The following MAP7 variants were observed in gnomAD, a reference collection of about 807,000 sequenced individuals.
The protein encoded by MAP7 is ensconsin.
A neutral mutation model predicts 94.8 loss-of-function variants in MAP7; 52 were observed. That is an observed-to-expected ratio of 0.55 (90% confidence interval 0.44 to 0.69). The LOEUF is 0.69. Ranked by LOEUF, MAP7 falls within the 30% of genes least tolerant of loss-of-function variation. MAP7 has a pLI of 0.00. For synonymous variants in MAP7, 350 were observed against 357.0 expected (o/e 0.98, Z 0.22); for missense variants, 940 against 964.6 (o/e 0.97, Z 0.34).
At chr6:136,380,236 C>T (rs1427008869) in intron 6 of MAP7, among the ~76,000 whole-genome samples, 2 of 152,158 alleles carry the variant, frequency 1.3e-5, no homozygotes, top group African/African-American at 4.8e-5. Flanking sequence ...ATGATCGGGG[C>T]TAAACAAACT....
chr6:136,504,575 C>A (rs545949894), intron 1 of MAP7, among the ~76,000 whole-genome samples: 4 of 152,270 alleles, frequency 2.6e-5, no homozygotes, highest in South Asian at 4.1e-4. Flanking sequence ...GAACTCCTGG[C>A]CCAAGCTATC....
rs1371996538 is a variant in MAP7, at chr6:136,419,872, G to A, written c.166+1829C>T. 11 of 466,284 alleles carry A rather than the reference G, an allele frequency of 2.4e-5. No individual in the cohort carries two copies. In the East Asian group the frequency reaches 4.7e-4, roughly 20 times the overall value. The allele number at this position is 466,284 out of a possible 1,614,324, so 28.9% of individuals were successfully genotyped here. On this transcript the variant is annotated intron_variant, in intron 2 of 17. Transcript: ENST00000354570. ...TCAGTTTTTGTCACATATTAAAGCT[G>A]TGTGTCAAGACTGAGGATTATCCAC...
At chr6:136,345,000 G>A (rs1290442774) in intron 17 of MAP7, among the ~76,000 whole-genome samples, 2 of 152,190 alleles carry the variant, frequency 1.3e-5, no homozygotes, top group East Asian at 3.8e-4. Context: ...AATATAAAGA[G>A]ATGCTGGTCA....
In MAP7 at chr6:136,455,119, A is replaced by ATC. The variant is rs112395909; in HGVS notation, c.68-33322_68-33321dup. On this transcript the variant is annotated intron_variant, in intron 1 of 17. Coordinates refer to ENST00000354570, the MANE Select transcript of MAP7 (RefSeq NM_003980.6). ...TTGGTCAGACAGTCCCTCATCTTTCATCTAGTGTGTACTCTGAAAAGGAAT... is the reference window on the plus strand; with the variant it reads ...TTGGTCAGACAGTCCCTCATCTTTCATCTCTAGTGTGTACTCTGAAAAGGAAT... 3.1e-4 allele frequency among the ~76,000 whole-genome samples: 47 copies of ATC among 151,778 alleles called. 1 individual carries two copies. The highest frequency in any genetic ancestry group is 1.1e-3 in the African/African-American group (45 of 41,350).
At chr6:136,479,145 T>C (rs2128959659) in intron 1 of MAP7, among the ~76,000 whole-genome samples, 1 of 152,130 alleles carries the variant, frequency 6.6e-6, no homozygotes, top group Middle Eastern at 3.4e-3. Flanking sequence ...CCAAATTCAA[T>C]AACACATTAA....
intron 1 of MAP7, among the ~76,000 whole-genome samples, chr6:136,534,419 T>A (rs1293692728): frequency 2.0e-5 from 3 of 152,238 alleles, no homozygotes; most frequent in African/African-American, 7.2e-5. Context: ...TGATTGTAAA[T>A]GTTAATCATA....
intron 6 of MAP7, among the ~76,000 whole-genome samples, chr6:136,379,709 A>G (rs1288707961): frequency 6.6e-6 from 1 of 152,254 alleles, no homozygotes; most frequent in Non-Finnish European, 1.5e-5. Context: ...CATGGAAAAG[A>G]TAAGTCTCCT....
At chr6:136,370,784 G>C (rs1288243197) in intron 8 of MAP7, among the ~76,000 whole-genome samples, 1 of 152,006 alleles carries the variant, frequency 6.6e-6, no homozygotes, top group African/African-American at 2.4e-5. Flanking sequence ...TTGTTTAATG[G>C]GTATAGAGTT....
At chr6:136,434,933 CA>C (rs1795978313) in intron 1 of MAP7, among the ~76,000 whole-genome samples, 1 of 152,152 alleles carries the variant, frequency 6.6e-6, no homozygotes, top group South Asian at 2.1e-4. Context: ...GCTTGCTGTC[CA>C]GTAAGTATTT....
chr6:136,376,804 G>T (rs1195386740), intron 7 of MAP7, among the ~76,000 whole-genome samples: 3 of 152,188 alleles, frequency 2.0e-5, no homozygotes, highest in Non-Finnish European at 4.4e-5. Context: ...TTAGGACTGA[G>T]ATTTATTCGC....
At chr6:136,468,282 GATC>G (rs1432696633) in intron 1 of MAP7, among the ~76,000 whole-genome samples, 2 of 151,936 alleles carry the variant, frequency 1.3e-5, no homozygotes, top group African/African-American at 2.4e-5. Context: ...GAAATTTATT[GATC>G]ATCTATTATG....
intron 15 of MAP7, among the ~76,000 whole-genome samples, chr6:136,358,105 T>G (rs1791513199): frequency 6.6e-6 from 1 of 152,226 alleles, no homozygotes; most frequent in African/African-American, 2.4e-5. Flanking sequence ...TTTAGCAGTT[T>G]TAACTCAAAT....
intron 11 of MAP7, among the ~76,000 whole-genome samples, chr6:136,362,012 T>C (rs1290717111): frequency 1.3e-5 from 2 of 152,226 alleles, no homozygotes. Context: ...TCCCATACTG[T>C]TGAGAGACTA....
chr6:136,431,515 TATTTATTTATTTA>T (rs1237312128), intron 1 of MAP7, among the ~76,000 whole-genome samples: 2 of 150,100 alleles, frequency 1.3e-5, no homozygotes, highest in African/African-American at 5.0e-5. Context: ...TTTATTTATT[TATTTATTTATTTA>T]ATTTTTTGAG....
chr6:136,497,773 G>C (rs549204950), intron 1 of MAP7, among the ~76,000 whole-genome samples: 8 of 143,964 alleles, frequency 5.6e-5, no homozygotes, highest in Admixed American at 1.4e-4. Flanking sequence ...CACTCAGCCT[G>C]GGTGACAGAG....
chr6:136,540,536 G>C lies in MAP7; in HGVS notation c.67+9806C>G, dbSNP rs575090035. On this transcript the variant is annotated intron_variant, in intron 1 of 17. Coordinates refer to ENST00000354570, the MANE Select transcript of MAP7 (RefSeq NM_003980.6). Reference sequence around the variant, plus strand: ...TGTGTGCATACTTAGCTATTCAATTGTACTCATAACTGTATTCACATCTAT... The same window carrying C: ...TGTGTGCATACTTAGCTATTCAATTCTACTCATAACTGTATTCACATCTAT... 3.9e-5 allele frequency among the ~76,000 whole-genome samples: 6 copies of C among 152,260 alleles called. No individual in the cohort carries two copies. In the East Asian group the frequency reaches 1.2e-3, roughly 29 times the overall value.
intron 3 of MAP7, among the ~76,000 whole-genome samples, chr6:136,404,590 A>C (rs187433853): frequency 8.6e-4 from 131 of 152,332 alleles, no homozygotes; most frequent in Admixed American, 1.8e-3. Context: ...ATGTCAGTCC[A>C]TCATACATTC....
At chr6:136,526,265 G>A (rs1827835601) in intron 1 of MAP7, 4 of 1,102,568 alleles carry the variant, frequency 3.6e-6, no homozygotes, top group South Asian at 2.7e-5. Context: ...ATGCATGCAC[G>A]TACACGCGCG....
intron 3 of MAP7, among the ~76,000 whole-genome samples, chr6:136,401,790 A>C (rs144493724): frequency 6.6e-6 from 1 of 152,272 alleles, no homozygotes; most frequent in Non-Finnish European, 1.5e-5. Flanking sequence ...TTAAAAAAAA[A>C]AAAAGAAACC....
Sources: gnomAD v4.1 joint callset for allele counts (sites outside exome capture counted in the v4.1 genomes callset) on GRCh38, gnomAD v4.1.1 for gene constraint, MANE v1.5 for transcripts, NCBI Gene and HGNC (gene_info 2026-07-23, HGNC 2026-07-21) for gene names.